The following HDAC9 variants were observed in gnomAD, a reference collection of about 807,000 sequenced individuals.
The protein encoded by HDAC9 is histone deacetylase 9.
In HDAC9, 41 loss-of-function variants were observed where a neutral mutation model predicts 139.4. That is an observed-to-expected ratio of 0.29 (90% CI 0.23 to 0.38). The LOEUF (loss-of-function observed/expected upper bound fraction) is 0.38. HDAC9 is among the 10% of genes least tolerant of loss of function. The pLI is 1.00. For missense variants in HDAC9, 1,147 were observed against 1,297.0 expected (o/e 0.88, Z 1.78); for synonymous variants, 517 against 476.2 (o/e 1.09, Z -1.12).
intron 1 of HDAC9, among the ~76,000 whole-genome samples, chr7:18,158,227 A>G (rs1787369566): frequency 6.6e-6 from 1 of 152,184 alleles, no homozygotes; most frequent in African/African-American, 2.4e-5. Context: ...ATAGTTAAAA[A>G]CCAAAATGAT....
At chr7:18,300,369 A>G (rs368407517) in intron 1 of HDAC9, among the ~76,000 whole-genome samples, 1 of 151,686 alleles carries the variant, frequency 6.6e-6, no homozygotes, top group South Asian at 2.1e-4. Context: ...AATTGGTTCC[A>G]CTCCTGGTGG....
intron 1 of HDAC9, among the ~76,000 whole-genome samples, chr7:18,488,784 T>C (rs1369324279): frequency 2.0e-5 from 3 of 152,152 alleles, no homozygotes; most frequent in Admixed American, 2.0e-4. Flanking sequence ...TTTAATACTT[T>C]GTTCATTCAA....
chr7:18,944,714 A>G (rs6949444), intron 23 of HDAC9, among the ~76,000 whole-genome samples: 46,477 of 151,930 alleles, frequency 0.31, 7,590 homozygotes, highest in Non-Finnish European at 0.38. Context: ...TCTAACTAGT[A>G]TCCCCTTTCT....
chr7:18,200,405 A>C (rs973780091), intron 2 of HDAC9, among the ~76,000 whole-genome samples: 1 of 152,162 alleles, frequency 6.6e-6, no homozygotes, highest in Admixed American at 6.5e-5. Context: ...ATCCCTGGAA[A>C]ACTTCACTCA....
chr7:18,936,626 CAA>C (rs1366113880), intron 23 of HDAC9, among the ~76,000 whole-genome samples: 1 of 152,174 alleles, frequency 6.6e-6, no homozygotes, highest in African/African-American at 2.4e-5. Flanking sequence ...GCAAATATTT[CAA>C]AGTTTCTATG....
intron 25 of HDAC9, among the ~76,000 whole-genome samples, chr7:18,983,279 T>A (rs1785080150): frequency 6.6e-6 from 1 of 152,168 alleles, no homozygotes; most frequent in Non-Finnish European, 1.5e-5. Flanking sequence ...ATGAAAACAT[T>A]TCCTTCTTTT....
At chr7:18,299,967 T>C (rs565169141) in intron 1 of HDAC9, among the ~76,000 whole-genome samples, 1 of 152,188 alleles carries the variant, frequency 6.6e-6, no homozygotes, top group Non-Finnish European at 1.5e-5. Context: ...TATCTCCTTT[T>C]GTTAATGAAG....
intron 1 of HDAC9, among the ~76,000 whole-genome samples, chr7:18,395,844 A>G (rs1246428150): frequency 2.0e-5 from 3 of 152,164 alleles, no homozygotes; most frequent in Admixed American, 1.3e-4. Flanking sequence ...TCATGTTGAT[A>G]CCATTAACAT....
chr7:18,678,823 T>A (rs1213278227), intron 12 of HDAC9, among the ~76,000 whole-genome samples: 1 of 151,986 alleles, frequency 6.6e-6, no homozygotes, highest in East Asian at 1.9e-4. Flanking sequence ...CCATTCAATG[T>A]TAGACAATTT....
At chr7:18,099,467 CAAAAAAATAAAGAAA>C (rs1782711333) in intron 1 of HDAC9, among the ~76,000 whole-genome samples, 1 of 111,374 alleles carries the variant, frequency 9.0e-6, no homozygotes, top group Non-Finnish European at 2.2e-5. Context: ...GACTCTGTCT[CAAAAAAATAAAGAAA>C]AAAAAAATAA....
At chr7:18,564,001 A>G (rs1821458955) in intron 2 of HDAC9, among the ~76,000 whole-genome samples, 1 of 151,922 alleles carries the variant, frequency 6.6e-6, no homozygotes, top group Non-Finnish European at 1.5e-5. Flanking sequence ...ACGCCCAGCT[A>G]ATTGTTTGTA....
chr7:18,461,734 A>G (rs1793863950), intron 1 of HDAC9, among the ~76,000 whole-genome samples: 1 of 152,142 alleles, frequency 6.6e-6, no homozygotes. Context: ...TCCCTTAATT[A>G]TTTTAAGATC....
At chr7:18,201,676 G>GTCCTTCAATGGCTCACCAGA (rs1379082149) in intron 2 of HDAC9, among the ~76,000 whole-genome samples, 3 of 152,224 alleles carry the variant, frequency 2.0e-5, no homozygotes, top group Admixed American at 6.5e-5. Context: ...GGAAAGCAGT[G>GTCCTTCAATGGCTCACCAGA]TCCTTCAATG....
chr7:18,725,145 G>A (rs1468747480), intron 12 of HDAC9, among the ~76,000 whole-genome samples: 3 of 152,074 alleles, frequency 2.0e-5, no homozygotes, highest in South Asian at 4.1e-4. Context: ...TATGCTTGCT[G>A]TTAGGGGCCC....
Position 18,951,735 on chromosome 7 carries a change from T to C in HDAC9, c.2938-2411T>C, listed in dbSNP as rs544585621. ...CATATTCTTATTTTCTGCTCCAAAT[T>C]TATAAAAAATGAATATTTAATATTA... On this transcript the variant is annotated intron_variant, in intron 23 of 25. Transcript: ENST00000686413. Among the ~76,000 whole-genome samples, 56 of 151,670 alleles carry C rather than the reference T, an allele frequency of 3.7e-4. No homozygotes were observed. The Middle Eastern group carries it at 0.01, about 28-fold the overall frequency.
intron 22 of HDAC9, among the ~76,000 whole-genome samples, chr7:18,877,250 C>T (rs1261746512): frequency 3.3e-5 from 5 of 152,118 alleles, no homozygotes; most frequent in Non-Finnish European, 5.9e-5. Flanking sequence ...AATAGTTGTT[C>T]CCTAAAACAC....
chr7:18,965,804 C>G (rs530242651), intron 24 of HDAC9, among the ~76,000 whole-genome samples: 52 of 152,260 alleles, frequency 3.4e-4, no homozygotes, highest in Middle Eastern at 3.4e-3. Context: ...CAAAAACTCT[C>G]CAGGGGCACT....
At chr7:18,938,547 A>T (rs919002983) in intron 23 of HDAC9, among the ~76,000 whole-genome samples, 1 of 152,108 alleles carries the variant, frequency 6.6e-6, no homozygotes, top group Non-Finnish European at 1.5e-5. Context: ...GTGAGCCGAG[A>T]TGGCACCACT....
intron 2 of HDAC9, among the ~76,000 whole-genome samples, chr7:18,283,735 T>G (rs1162824818): frequency 4.6e-5 from 7 of 152,184 alleles, no homozygotes; most frequent in Admixed American, 2.0e-4. Context: ...AGTCATTGAC[T>G]TTTTCAGAAC....
Sources: gnomAD v4.1 joint callset for allele counts (sites outside exome capture counted in the v4.1 genomes callset) on GRCh38, gnomAD v4.1.1 for gene constraint, MANE v1.5 for transcripts, NCBI Gene and HGNC (gene_info 2026-07-23, HGNC 2026-07-21) for gene names.